KCNQ1: variants seen among roughly 807,000 people sequenced by gnomAD.
The protein encoded by KCNQ1 is potassium voltage-gated channel subfamily Q member 1, also known as potassium voltage-gated channel subfamily KQT member 1.
Under a neutral mutation model 72.4 loss-of-function variants are expected in KCNQ1, and 49 were observed. That is an observed-to-expected ratio of 0.68 (90% CI 0.54 to 0.86). The LOEUF (loss-of-function observed/expected upper bound fraction) is 0.86, where lower values mean the gene tolerates loss of function less well. Among genes scored for constraint, KCNQ1 ranks in the 40% least tolerant of loss-of-function variants. The pLI is 0.00. For missense variants in KCNQ1, 790 were observed against 945.1 expected (o/e 0.84, Z 2.15); for synonymous variants, 450 against 412.6 (o/e 1.09, Z -1.10).
chr11:2,730,691 C>A (rs2133940133), intron 11 of KCNQ1, among the ~76,000 whole-genome samples: 1 of 152,328 alleles, frequency 6.6e-6, no homozygotes, highest in Non-Finnish European at 1.5e-5. Flanking sequence ...CCTATCCAGG[C>A]CCCATTACCC....
In KCNQ1 at chr11:2,824,254, G is replaced by T. The variant is rs1351579197; in HGVS notation, c.1795-23513G>T. Among the ~76,000 whole-genome samples the T allele has an allele frequency of 6.6e-6, 1 of 152,138 alleles. No individual in the cohort carries two copies. Among genetic ancestry groups the T allele is most frequent in the Non-Finnish European group, 1.5e-5 (1 of 68,018 alleles). On this transcript the variant is annotated intron_variant, in intron 15 of 15. Coordinates refer to ENST00000155840, the MANE Select transcript of KCNQ1 (RefSeq NM_000218.3). The surrounding 1 kb of genome is among the most constrained non-coding windows in gnomAD (Gnocchi z 5.9). ...CCAGAGTAGAGGGGAGGTGGGTGAG[G>T]AGGCTACGCAGAGGCCCTGGGAGGA...
rs561244622 is a variant in KCNQ1, at chr11:2,766,661, C to T, written c.1515-2183C>T. 1.3e-5 allele frequency among the ~76,000 whole-genome samples: 2 copies of T among 152,300 alleles called. No individual in the cohort carries two copies. Among genetic ancestry groups the T allele is most frequent in the South Asian group, 2.1e-4 (1 of 4,832 alleles). ...CCCCTATGCAAAATTCACTCACCCCCCTCCCGACGATACCTAAAATTCTCA... is the reference window on the plus strand; with the variant it reads ...CCCCTATGCAAAATTCACTCACCCCTCTCCCGACGATACCTAAAATTCTCA... On this transcript the variant is annotated intron_variant, in intron 11 of 15. Coordinates refer to ENST00000155840, the MANE Select transcript of KCNQ1 (RefSeq NM_000218.3). This position sits in a 1 kb window ranked among gnomAD's most constrained non-coding sequence, Gnocchi z 4.4.
At chr11:2,548,984 T>C (rs898026569) in intron 2 of KCNQ1, among the ~76,000 whole-genome samples, 7 of 152,106 alleles carry the variant, frequency 4.6e-5, no homozygotes, top group Non-Finnish European at 8.8e-5. Flanking sequence ...AAATCCTCAC[T>C]TTGGAGGATG....
Position 2,479,275 on chromosome 11 carries a change from T to C in KCNQ1, c.386+33791T>C, listed in dbSNP as rs573220688. Among the ~76,000 whole-genome samples the C allele has an allele frequency of 3.9e-5, 6 of 152,296 alleles. No homozygotes were observed. In the South Asian group the frequency reaches 8.3e-4, roughly 21 times the overall value. ...CACTAGGCAGTGCCCCAGTGGGGAC[T>C]TTGCATGGGGGCTCCAACCCCACTT... is the stretch of plus-strand genomic sequence containing the variant. On this transcript the variant is annotated intron_variant, in intron 1 of 15. Coordinates refer to ENST00000155840, the MANE Select transcript of KCNQ1 (RefSeq NM_000218.3). The surrounding 1 kb of genome is among the most constrained non-coding windows in gnomAD (Gnocchi z 4.6).
chr11:2,491,396 T>C lies in KCNQ1; in HGVS notation c.387-36532T>C, dbSNP rs1360281698. Among the ~76,000 whole-genome samples, 1 of 152,122 alleles carries C rather than the reference T, an allele frequency of 6.6e-6. No individual in the cohort carries two copies. Among genetic ancestry groups the C allele is most frequent in the Non-Finnish European group, 1.5e-5 (1 of 68,024 alleles). ...TATCAGATAAATTTAATAAAGAGAT[T>C]AAAATAAGAATCAAGCAGAAATTCT... On this transcript the variant is annotated intron_variant, in intron 1 of 15. Coordinates refer to ENST00000155840, the MANE Select transcript of KCNQ1 (RefSeq NM_000218.3). The surrounding 1 kb of genome is among the most constrained non-coding windows in gnomAD (Gnocchi z 4.1).
At chr11:2,700,543 G>A (rs1850788894) in intron 11 of KCNQ1, among the ~76,000 whole-genome samples, 1 of 151,918 alleles carries the variant, frequency 6.6e-6, no homozygotes, top group African/African-American at 2.4e-5. Flanking sequence ...GGCACCGGGT[G>A]CGGGAGGCGT....
At chr11:2,757,128 GA>G (rs1286031611) in intron 11 of KCNQ1, among the ~76,000 whole-genome samples, 2 of 152,004 alleles carry the variant, frequency 1.3e-5, no homozygotes, top group Non-Finnish European at 2.9e-5. Context: ...ACAAGACAAA[GA>G]AATGGGACAT....
chr11:2,800,712 G>A (rs1847245023), intron 15 of KCNQ1, among the ~76,000 whole-genome samples: 1 of 152,198 alleles, frequency 6.6e-6, no homozygotes, highest in African/African-American at 2.4e-5. Context: ...TAGCCTCTCT[G>A]TGACTCAGTT....
intron 15 of KCNQ1, chr11:2,839,875 C>T (rs903568504): frequency 3.3e-5 from 5 of 152,230 alleles, no homozygotes; most frequent in Non-Finnish European, 7.3e-5. Context: ...AGCCTGTCGT[C>T]TTTCACCTCC....
At chr11:2,542,565 G>T (rs1315723100) in intron 2 of KCNQ1, among the ~76,000 whole-genome samples, 1 of 152,222 alleles carries the variant, frequency 6.6e-6, no homozygotes, top group Non-Finnish European at 1.5e-5. Context: ...GAGACAGCAG[G>T]CACATCCGTC....
intron 11 of KCNQ1, among the ~76,000 whole-genome samples, chr11:2,739,764 G>A (rs987934562): frequency 2.0e-5 from 3 of 152,230 alleles, no homozygotes; most frequent in Non-Finnish European, 4.4e-5. Flanking sequence ...TGGTGTCCTT[G>A]CCCAGCTGGT....
In KCNQ1 at chr11:2,478,959, G is replaced by A. The variant is rs184172547; in HGVS notation, c.386+33475G>A. Among the ~76,000 whole-genome samples the A allele has an allele frequency of 7.2e-5, 11 of 152,306 alleles. No homozygotes were observed. The East Asian group carries it at 1.9e-3, about 27-fold the overall frequency. On this transcript the variant is annotated intron_variant, in intron 1 of 15. Coordinates refer to ENST00000155840, the MANE Select transcript of KCNQ1 (RefSeq NM_000218.3). The surrounding 1 kb of genome is among the most constrained non-coding windows in gnomAD (Gnocchi z 4.0). ...ATGGGAGTAATTGGCCAAAACGAAG[G>A]GGCTAAAGGCCCCATGCAAGTTCGA...
At position 2,602,113 on chromosome 11, in the gene KCNQ1, T is replaced by C. The variant is rs956530163; in HGVS notation, c.1393+13259T>C. Among the ~76,000 whole-genome samples the C allele has an allele frequency of 1.3e-5, 2 of 152,004 alleles. No individual in the cohort carries two copies. The highest frequency in any genetic ancestry group is 4.8e-5 in the African/African-American group (2 of 41,362). On this transcript the variant is annotated intron_variant, in intron 10 of 15. Coordinates refer to ENST00000155840, the MANE Select transcript of KCNQ1 (RefSeq NM_000218.3). The surrounding 1 kb of genome is among the most constrained non-coding windows in gnomAD (Gnocchi z 4.8). ...CGGAAGCAGGGGCAGGAAATGGCAA[T>C]GTGATTTGAGGAAGGGGTCACAAAC...
chr11:2,690,278 T>C lies in KCNQ1; in HGVS notation c.1514+28197T>C, dbSNP rs182802601. 208 of 398,726 alleles carry C rather than the reference T, an allele frequency of 5.2e-4. 1 individual carries two copies. The highest frequency in any genetic ancestry group is 6.4e-4 in the Non-Finnish European group (144 of 226,114). 24.7% of individuals were successfully genotyped at this position (398,726 alleles called of 1,614,324 possible). On this transcript the variant is annotated intron_variant, in intron 11 of 15. Coordinates refer to ENST00000155840, the MANE Select transcript of KCNQ1 (RefSeq NM_000218.3). This position sits in a 1 kb window ranked among gnomAD's most constrained non-coding sequence, Gnocchi z 5.1. Reference sequence around the variant, plus strand: ...CTGCTCCTTGCTGCATCTGCACATATGTGTAGTGTCTTCCTCCCTGTAGGA... The same window carrying C: ...CTGCTCCTTGCTGCATCTGCACATACGTGTAGTGTCTTCCTCCCTGTAGGA...
intron 11 of KCNQ1, chr11:2,666,248 G>A: frequency 5.0e-6 from 2 of 398,670 alleles, no homozygotes; most frequent in South Asian, 2.5e-4. Flanking sequence ...TGGGCATGGG[G>A]GAGGACCAGG....
intron 11 of KCNQ1, among the ~76,000 whole-genome samples, chr11:2,740,996 G>A (rs182213496): frequency 2.0e-4 from 31 of 152,310 alleles, no homozygotes; most frequent in Admixed American, 2.0e-3. Context: ...TGGCAAAGGG[G>A]AATTGAGTGA....
chr11:2,663,656 G>A lies in KCNQ1; in HGVS notation c.1514+1575G>A, dbSNP rs1292049618. ...GCAAAAAGTCCTACTGGGAGGAGAGGGCCATCACCCACAGTCCATCTAGCT... is the reference window on the plus strand; with the variant it reads ...GCAAAAAGTCCTACTGGGAGGAGAGAGCCATCACCCACAGTCCATCTAGCT... On this transcript the variant is annotated intron_variant, in intron 11 of 15. Transcript: ENST00000155840. This position sits in a 1 kb window ranked among gnomAD's most constrained non-coding sequence, Gnocchi z 5.2. 2.5e-5 allele frequency: 10 copies of A among 398,518 alleles called. No individual in the cohort carries two copies. The highest frequency in any genetic ancestry group is 4.4e-5 in the Non-Finnish European group (10 of 226,094). The allele number at this position is 398,518 out of a possible 1,614,324, so 24.7% of individuals were successfully genotyped here.
rs1590014905 is a variant in KCNQ1, at chr11:2,661,950, T to C, written c.1394-11T>C. 2 of 1,614,142 alleles carry C rather than the reference T, an allele frequency of 1.2e-6. No individual in the cohort carries two copies. The highest frequency in any genetic ancestry group is 4.5e-5 in the East Asian group (2 of 44,880). On this transcript the variant is annotated splice_polypyrimidine_tract_variant and intron_variant, in intron 10 of 15. Coordinates refer to ENST00000155840, the MANE Select transcript of KCNQ1 (RefSeq NM_000218.3). This position sits in a 1 kb window ranked among gnomAD's most constrained non-coding sequence, Gnocchi z 5.9. Reference sequence around the variant, plus strand: ...GAGGCCTAACGTGCTGTCCCCACACTTTCTCCTCAGTAAGGAAGAGCCCAA... The same window carrying C: ...GAGGCCTAACGTGCTGTCCCCACACCTTCTCCTCAGTAAGGAAGAGCCCAA...
chr11:2,495,028 G>A lies in KCNQ1; in HGVS notation c.387-32900G>A, dbSNP rs1846887680. ...GCCTCAATTTCAGAACTTGTTGTTG[G>A]TCTATTCAGGGATTCGACTTTTTCC... On this transcript the variant is annotated intron_variant, in intron 1 of 15. Transcript: ENST00000155840. This position sits in a 1 kb window ranked among gnomAD's most constrained non-coding sequence, Gnocchi z 4.6. Among the ~76,000 whole-genome samples the A allele has an allele frequency of 1.3e-5, 2 of 152,124 alleles. No individual in the cohort carries two copies. Among genetic ancestry groups the A allele is most frequent in the South Asian group, 4.2e-4 (2 of 4,818 alleles).
Sources: allele counts gnomAD v4.1 joint callset (sites outside exome capture counted in the v4.1 genomes callset), GRCh38; gene constraint gnomAD v4.1.1; non-coding constraint Gnocchi (gnomAD v3.1); transcripts MANE v1.5; gene names NCBI Gene and HGNC (gene_info 2026-07-23, HGNC 2026-07-21).